The following COPG2 variants were observed in gnomAD, a reference collection of about 807,000 sequenced individuals.
COPG2 encodes coat protein complex I subunit gamma 2.
Under a neutral mutation model 46.3 loss-of-function variants are expected in COPG2, and 37 were observed. That is an observed-to-expected ratio of 0.80 (90% CI 0.61 to 1.05). The LOEUF (loss-of-function observed/expected upper bound fraction) is 1.05. Ranked by LOEUF, COPG2 falls within the 50% of genes least tolerant of loss-of-function variation. The pLI is 0.00. For synonymous variants in COPG2, 159 were observed against 129.7 expected (o/e 1.23, Z -1.53); for missense variants, 427 against 387.8 (o/e 1.10, Z -0.85).
chr7:130,533,550 T>C (rs1799849664), intron 20 of COPG2, among the ~76,000 whole-genome samples: 2 of 150,348 alleles, frequency 1.3e-5, no homozygotes, highest in African/African-American at 4.9e-5. Context: ...GGAAGGAAGG[T>C]CGGGGGGATG....
At chr7:130,596,650 T>G (rs374032549) in intron 9 of COPG2, among the ~76,000 whole-genome samples, 159 of 152,242 alleles carry the variant, frequency 1.0e-3, no homozygotes, top group African/African-American at 3.6e-3. Context: ...ATGGAGCTGG[T>G]GTCAAGAGCC....
chr7:130,651,274 TAA>T (rs559386324), intron 5 of COPG2, among the ~76,000 whole-genome samples: 42 of 152,140 alleles, frequency 2.8e-4, no homozygotes, highest in African/African-American at 9.9e-4. Flanking sequence ...TATCCAGAGA[TAA>T]GTCTGTATAA....
At chr7:130,662,188 T>C (rs1554460901) in intron 4 of COPG2, among the ~76,000 whole-genome samples, 1 of 152,198 alleles carries the variant, frequency 6.6e-6, no homozygotes, top group Non-Finnish European at 1.5e-5. Context: ...TGGCCTCCCC[T>C]GAAACAGCTG....
At chr7:130,571,843 C>A (rs527254871) in intron 9 of COPG2, among the ~76,000 whole-genome samples, 6 of 150,896 alleles carry the variant, frequency 4.0e-5, no homozygotes, top group African/African-American at 1.2e-4. Context: ...CCCTCTCTCT[C>A]TCTATATATA....
intron 9 of COPG2, among the ~76,000 whole-genome samples, chr7:130,575,665 A>C (rs1793988334): frequency 6.6e-6 from 1 of 152,188 alleles, no homozygotes; most frequent in Admixed American, 6.5e-5. Flanking sequence ...CAAAAACAAA[A>C]AACAAAAAAA....
At chr7:130,508,404 G>A (rs1799538766) in intron 21 of COPG2, 158 bp downstream of exon 21, 4 of 575,060 alleles carry the variant, frequency 7.0e-6, no homozygotes, top group South Asian at 6.9e-5. Context: ...AGTTACAGAG[G>A]AGGGTTAGTC....
chr7:130,598,798 A>G (rs1473892701), intron 9 of COPG2, among the ~76,000 whole-genome samples: 3 of 152,190 alleles, frequency 2.0e-5, no homozygotes, highest in Non-Finnish European at 4.4e-5. Flanking sequence ...AATAATTTCA[A>G]TAACTCTATC....
intron 9 of COPG2, among the ~76,000 whole-genome samples, chr7:130,565,977 A>T (rs2116408388): frequency 6.6e-6 from 1 of 152,302 alleles, no homozygotes; most frequent in Admixed American, 6.5e-5. Flanking sequence ...ATTTTGGATG[A>T]TAGGAGTTTT....
intron 20 of COPG2, among the ~76,000 whole-genome samples, chr7:130,513,389 G>GTATATA (rs1229878158): frequency 9.5e-4 from 101 of 105,808 alleles, no homozygotes; most frequent in African/African-American, 3.2e-3. Context: ...GTGTGTGTGT[G>GTATATA]TATATATATA....
At chr7:130,601,887 GAA>G (rs1794639319) in intron 9 of COPG2, among the ~76,000 whole-genome samples, 1 of 123,734 alleles carries the variant, frequency 8.1e-6, no homozygotes, top group Non-Finnish European at 1.8e-5. Flanking sequence ...AGGAAGCAAA[GAA>G]GGAAGGAAGG....
At chr7:130,614,699 A>C (rs1554452604) in intron 6 of COPG2, among the ~76,000 whole-genome samples, 2 of 152,214 alleles carry the variant, frequency 1.3e-5, no homozygotes. Context: ...GCCTGTGTCT[A>C]GTACATGATG....
intron 20 of COPG2, among the ~76,000 whole-genome samples, chr7:130,533,129 T>C (rs1439708708): frequency 6.6e-6 from 1 of 151,886 alleles, no homozygotes; most frequent in Non-Finnish European, 1.5e-5. Flanking sequence ...CCGAGCAGCT[T>C]AGAGAGGTGA....
chr7:130,653,840 T>C (rs993310515), intron 4 of COPG2, among the ~76,000 whole-genome samples: 1 of 151,832 alleles, frequency 6.6e-6, no homozygotes, highest in African/African-American at 2.4e-5. Flanking sequence ...CTCGTGGTGA[T>C]TAAAAACAGA....
intron 20 of COPG2, chr7:130,510,795 TAATCTGTCG>T (rs1554440921): frequency 9.9e-6 from 4 of 406,016 alleles, no homozygotes; most frequent in African/African-American, 2.1e-5. Context: ...GTCTAGGCAG[TAATCTGTCG>T]AAGCTGCTGG....
At chr7:130,571,370 C>G (rs1793895224) in intron 9 of COPG2, among the ~76,000 whole-genome samples, 1 of 151,964 alleles carries the variant, frequency 6.6e-6, no homozygotes, top group Admixed American at 6.6e-5. Flanking sequence ...ATAATCCCAT[C>G]AAAAAGTGGG....
intron 17 of COPG2, among the ~76,000 whole-genome samples, 169 bp downstream of exon 17, chr7:130,550,355 G>A (rs1793517713): frequency 7.7e-6 from 1 of 130,142 alleles, no homozygotes; most frequent in Admixed American, 9.4e-5. Flanking sequence ...AGGTTGCAGT[G>A]ACTAGAGATC....
chr7:130,511,650 A>G, intron 20 of COPG2: 2 of 516,002 alleles, frequency 3.9e-6, no homozygotes, highest in South Asian at 1.4e-5. Flanking sequence ...CAAAAGTCAT[A>G]AGAGAGTATG....
intron 5 of COPG2, among the ~76,000 whole-genome samples, chr7:130,633,764 T>C (rs1795274774): frequency 6.6e-6 from 1 of 152,236 alleles, no homozygotes; most frequent in African/African-American, 2.4e-5. Context: ...TTGCCATTGC[T>C]TTTGGTGTTT....
intron 20 of COPG2, chr7:130,511,305 GA>G (rs1554440973): frequency 4.9e-6 from 2 of 410,260 alleles, no homozygotes; most frequent in Non-Finnish European, 9.6e-6. Context: ...AGATTAGAAA[GA>G]AGGCAAAAGA....
Sources: allele counts gnomAD v4.1 joint callset (sites outside exome capture counted in the v4.1 genomes callset), GRCh38; gene constraint gnomAD v4.1.1; transcripts MANE v1.5; gene names NCBI Gene and HGNC (gene_info 2026-07-23, HGNC 2026-07-21).